CDADC1: variants seen among roughly 807,000 people sequenced by gnomAD.
CDADC1 encodes the protein dCTP deaminase.
A neutral mutation model predicts 54.9 loss-of-function variants in CDADC1; 39 were observed. That is an observed-to-expected ratio of 0.71 (90% CI 0.55 to 0.93). The LOEUF is 0.93. CDADC1 is among the 40% of genes least tolerant of loss of function. CDADC1 has a pLI of 0.00. For synonymous variants in CDADC1, 186 were observed against 204.0 expected, an observed-to-expected ratio of 0.91 and a Z score of 0.75; for missense variants, 518 against 618.8, an observed-to-expected ratio of 0.84 and a Z score of 1.73.
intron 6 of CDADC1, among the ~76,000 whole-genome samples, chr13:49,277,341 T>C (rs1292611846): frequency 6.6e-6 from 1 of 151,934 alleles, no homozygotes; most frequent in Non-Finnish European, 1.5e-5. Context: ...CATAGTGACA[T>C]ACGCCTGTGG....
At position 49,247,940 on chromosome 13, in the gene CDADC1, T is replaced by C; in HGVS notation, c.-98T>C. 2.7e-6 allele frequency: 3 copies of C among 1,103,422 alleles called. No individual in the cohort carries two copies. The highest frequency in any genetic ancestry group is 4.0e-6 in the Non-Finnish European group (3 of 742,550). The allele number at this position is 1,103,422 out of a possible 1,614,324, so 68.4% of individuals were successfully genotyped here. A position where few individuals can be genotyped will look rare whatever the true frequency, so the allele number is the denominator to read the frequency against. On this transcript the variant is annotated 5_prime_UTR_variant, in exon 1 of 10. Transcript: ENST00000251108. ...GGCTGCGCCTAGTGGGCCGTTGCCT[T>C]ACAGTTGCTGAGAGGAGGCGAGAGG...
Position 49,255,897 on chromosome 13 carries a change from CT to C in CDADC1, c.237del (p.Thr80LeufsTer6). On this transcript the variant is annotated frameshift_variant, in exon 3 of 10. Coordinates refer to ENST00000251108, the MANE Select transcript of CDADC1 (RefSeq NM_030911.4). LOFTEE classifies it high-confidence loss of function. ...GATAATGAAGAGAGGACCAGAGTATCTACTGACAAAAGACAGGTAAATTTTT... is the reference window on the plus strand; with the variant it reads ...GATAATGAAGAGAGGACCAGAGTATCACTGACAAAAGACAGGTAAATTTTT... Reference protein sequence around the residue: ...LGDNEERTRVSTDKRQVKRTG... With the variant: ...LGDNEERTRVXTDKRQVKRTG... 6.2e-7 allele frequency: 1 copy of C among 1,611,054 alleles called. No individual in the cohort carries two copies. The highest frequency in any genetic ancestry group is 8.5e-7 in the Non-Finnish European group (1 of 1,179,092).
intron 7 of CDADC1, among the ~76,000 whole-genome samples, chr13:49,279,382 C>G (rs1395447664): frequency 2.0e-5 from 3 of 152,086 alleles, no homozygotes; most frequent in Non-Finnish European, 4.4e-5. Flanking sequence ...TAAAGGATTC[C>G]TAGACTGGGG....
At chr13:49,248,831 T>A in intron 1 of CDADC1, 40 bp from the exon 2 acceptor site, 2 of 1,284,270 alleles carry the variant, frequency 1.6e-6, no homozygotes, top group Non-Finnish European at 1.1e-6. Context: ...TTTTTCACCA[T>A]TAGTAACAAA....
intron 3 of CDADC1, among the ~76,000 whole-genome samples, chr13:49,257,354 A>G (rs1952569410): frequency 6.6e-6 from 1 of 152,090 alleles, no homozygotes; most frequent in Non-Finnish European, 1.5e-5. Flanking sequence ...TGTCTGTTTA[A>G]CTAGGAAAAT....
At chr13:49,249,175 C>T (rs186832439) in intron 2 of CDADC1, among the ~76,000 whole-genome samples, 3 of 152,294 alleles carry the variant, frequency 2.0e-5, no homozygotes, top group East Asian at 1.9e-4. Context: ...CCATGTTTAT[C>T]GGGTACTAAT....
rs777670310 is a variant in CDADC1, at chr13:49,280,714, T to A, written c.1410+16T>A. On this transcript the variant is annotated intron_variant, in intron 8 of 9. Coordinates refer to ENST00000251108, the MANE Select transcript of CDADC1 (RefSeq NM_030911.4). ...CAAATTTACGGTAAGTAGATACACA[T>A]TTTTTTCAGGTGTATTTTGTATTAT... The A allele has an allele frequency of 5.3e-6, 8 of 1,513,172 alleles. No homozygotes were observed. In the South Asian group the frequency reaches 1.1e-4, roughly 20 times the overall value. The allele number at this position is 1,513,172 out of a possible 1,614,324, so 93.7% of individuals were successfully genotyped here. A position where few individuals can be genotyped will look rare whatever the true frequency, so the allele number is the denominator to read the frequency against.
Position 49,282,236 on chromosome 13 carries a change from G to GTTTTTTTTTTTTTTTTTTTTTTT in CDADC1, c.1410+1557_1410+1558insTTTTTTTTTTTTTTTTTTTTTTT, listed in dbSNP as rs759792512. ...ACTATTTGGGTTCTGGTTTTTGTGGGTTTTTTTTTTTTTTTTTTTGCTTTT... is the reference window on the plus strand; with the variant it reads ...ACTATTTGGGTTCTGGTTTTTGTGGGTTTTTTTTTTTTTTTTTTTTTTTTTTTTTTTTTTTTTTTTTTGCTTTT... On this transcript the variant is annotated intron_variant, in intron 8 of 9. Coordinates refer to ENST00000251108, the MANE Select transcript of CDADC1 (RefSeq NM_030911.4). Among the ~76,000 whole-genome samples the GTTTTTTTTTTTTTTTTTTTTTTT allele has an allele frequency of 1.9e-3, 178 of 94,144 alleles. 1 individual carries two copies. The highest frequency in any genetic ancestry group is 4.2e-3 in the East Asian group (12 of 2,838). The allele number at this position is 94,144 out of a possible 152,430, so 61.8% of individuals were successfully genotyped here.
chr13:49,258,954 G>A (rs929542178), intron 3 of CDADC1, among the ~76,000 whole-genome samples: 2 of 152,188 alleles, frequency 1.3e-5, no homozygotes, highest in South Asian at 2.1e-4. Context: ...ACTTATCCAT[G>A]TGTAAAATCA....
At position 49,292,785 on chromosome 13, in the gene CDADC1, AG is replaced by A; in HGVS notation, c.*1032del. On this transcript the variant is annotated 3_prime_UTR_variant, in exon 10 of 10. Transcript: ENST00000251108. ...TTTTCTGTTCTCTCCTAGGTTAGAG[AG>A]GGGTGGCCTGGGGTGCTTCATGAGA... 7.8e-7 allele frequency: 1 copy of A among 1,283,092 alleles called. No homozygotes were observed. The allele number at this position is 1,283,092 out of a possible 1,614,324, so 79.5% of individuals were successfully genotyped here.
intron 2 of CDADC1, among the ~76,000 whole-genome samples, chr13:49,250,183 G>A (rs978108197): frequency 1.3e-5 from 2 of 152,088 alleles, no homozygotes; most frequent in African/African-American, 4.8e-5. Flanking sequence ...TTTCCAACTT[G>A]CCCATAATTC....
rs1017526881 is a variant in CDADC1, at chr13:49,247,943, A to G, written c.-95A>G. On this transcript the variant is annotated 5_prime_UTR_variant, in exon 1 of 10. Coordinates refer to ENST00000251108, the MANE Select transcript of CDADC1 (RefSeq NM_030911.4). ...TGCGCCTAGTGGGCCGTTGCCTTAC[A>G]GTTGCTGAGAGGAGGCGAGAGGCGG... The G allele has an allele frequency of 6.2e-6, 7 of 1,128,336 alleles. No individual in the cohort carries two copies. Among genetic ancestry groups the G allele is most frequent in the Admixed American group, 6.0e-5 (3 of 50,050 alleles). The allele number at this position is 1,128,336 out of a possible 1,614,324, so 69.9% of individuals were successfully genotyped here. A position where few individuals can be genotyped will look rare whatever the true frequency, so the allele number is the denominator to read the frequency against.
intron 2 of CDADC1, among the ~76,000 whole-genome samples, chr13:49,250,339 G>A (rs1422661783): frequency 1.3e-5 from 2 of 152,086 alleles, no homozygotes; most frequent in Non-Finnish European, 2.9e-5. Flanking sequence ...GAAAAAACAT[G>A]GTCTTTATTT....
At chr13:49,253,417 G>A (rs2138193857) in intron 2 of CDADC1, among the ~76,000 whole-genome samples, 1 of 152,288 alleles carries the variant, frequency 6.6e-6, no homozygotes, top group South Asian at 2.1e-4. Flanking sequence ...TGTAATGCTA[G>A]TATAAACATT....
At chr13:49,264,184 G>A (rs1952755059) in intron 4 of CDADC1, among the ~76,000 whole-genome samples, 2 of 152,094 alleles carry the variant, frequency 1.3e-5, no homozygotes, top group African/African-American at 4.8e-5. Flanking sequence ...ACAATTATTT[G>A]GGTACTTGCT....
intron 4 of CDADC1, chr13:49,265,756 C>T: frequency 2.8e-6 from 2 of 720,892 alleles, no homozygotes; most frequent in Non-Finnish European, 3.8e-6. Flanking sequence ...TTTTTGGAGT[C>T]CTCAATAATT....
At chr13:49,279,346 G>A (rs1481339041) in intron 7 of CDADC1, among the ~76,000 whole-genome samples, 1 of 152,180 alleles carries the variant, frequency 6.6e-6, no homozygotes, top group Non-Finnish European at 1.5e-5. Flanking sequence ...AGGCTTTAGG[G>A]AAGAACTGGC....
intron 9 of CDADC1, 37 bp downstream of exon 9, chr13:49,286,319 A>C: frequency 7.0e-7 from 1 of 1,430,296 alleles, no homozygotes; most frequent in Non-Finnish European, 9.9e-7. Flanking sequence ...TTTGTTGCTG[A>C]GGAGAAAGGA....
intron 4 of CDADC1, among the ~76,000 whole-genome samples, chr13:49,263,116 CT>C (rs1286882135): frequency 6.6e-6 from 1 of 152,106 alleles, no homozygotes; most frequent in Non-Finnish European, 1.5e-5. Context: ...GACTTATCTA[CT>C]TTTTTAATGG....
Sources: gnomAD v4.1 joint callset for allele counts (sites outside exome capture counted in the v4.1 genomes callset) on GRCh38, gnomAD v4.1.1 for gene constraint, MANE v1.5 for transcripts, NCBI Gene and HGNC (gene_info 2026-07-23, HGNC 2026-07-21) for gene names.